Variants in ABLIM1 observed in about 807,000 individuals in gnomAD.
ABLIM1 encodes the protein actin binding LIM protein 1.
A neutral mutation model predicts 107.0 loss-of-function variants in ABLIM1; 40 were observed. The observed-to-expected ratio is 0.37, with a 90% CI of 0.29 to 0.49. The LOEUF (loss-of-function observed/expected upper bound fraction) is 0.49. ABLIM1 is among the 20% of genes least tolerant of loss of function. The pLI is 0.97. For synonymous variants in ABLIM1, 357 were observed against 357.3 expected (o/e 1.00, Z 0.01); for missense variants, 857 against 1,008.5 (o/e 0.85, Z 2.04).
At chr10:114,600,360 C>T (rs534749361) in intron 2 of ABLIM1, among the ~76,000 whole-genome samples, 42 of 152,280 alleles carry the variant, frequency 2.8e-4, no homozygotes, top group African/African-American at 9.6e-4. Flanking sequence ...GCTTGTCATG[C>T]GCTGAGCATT....
intron 6 of ABLIM1, among the ~76,000 whole-genome samples, chr10:114,494,815 T>TTGTGCAGGTGACAATCTCTCTAATCC (rs1447649965): frequency 1.9e-4 from 29 of 152,262 alleles, no homozygotes; most frequent in African/African-American, 2.4e-5. Context: ...TTGTGTGATC[T>TTGTGCAGGTGACAATCTCTCTAATCC]TGTGCAGGTG....
rs562866165 is a variant in ABLIM1 at position 114,514,188 on chromosome 10, C to T, written c.895-22310G>A. Reference sequence around the variant, plus strand: ...CCTGTAATCCTAACACTTTGGAAGGCCAAGGTGGGCGGATCACTTGAATGG... The same window carrying T: ...CCTGTAATCCTAACACTTTGGAAGGTCAAGGTGGGCGGATCACTTGAATGG... On this transcript the variant is annotated intron_variant, in intron 6 of 22. Transcript: ENST00000533213. Among the ~76,000 whole-genome samples, 4 of 152,046 alleles carry T rather than the reference C, an allele frequency of 2.6e-5. No individual in the cohort carries two copies. In the East Asian group the frequency reaches 7.7e-4, roughly 29 times the overall value.
chr10:114,457,429 C>T (rs1381611887), intron 12 of ABLIM1, among the ~76,000 whole-genome samples: 1 of 152,074 alleles, frequency 6.6e-6, no homozygotes, highest in Non-Finnish European at 1.5e-5. Flanking sequence ...GCCACCACAT[C>T]CAGCTAGTTT....
chr10:114,684,087 T>C (rs1041474240), intron 1 of ABLIM1, among the ~76,000 whole-genome samples: 25 of 152,190 alleles, frequency 1.6e-4, no homozygotes, highest in African/African-American at 5.1e-4. Flanking sequence ...TAAGAATATA[T>C]GTAAATATGT....
intron 1 of ABLIM1, among the ~76,000 whole-genome samples, chr10:114,646,065 TTCTC>T (rs59480137): frequency 0.021 from 3,237 of 152,330 alleles, 101 homozygotes; most frequent in African/African-American, 0.074. Flanking sequence ...TTCCTTTCCT[TTCTC>T]TCACTATCTC....
chr10:114,639,606 T>G (rs1229292491), intron 1 of ABLIM1, among the ~76,000 whole-genome samples: 4 of 152,316 alleles, frequency 2.6e-5, no homozygotes, highest in Non-Finnish European at 2.9e-5. Context: ...CTTGTGAGGT[T>G]GTGGTGAGGA....
intron 1 of ABLIM1, among the ~76,000 whole-genome samples, chr10:114,677,940 T>C (rs556670806): frequency 1.3e-5 from 2 of 152,330 alleles, no homozygotes; most frequent in African/African-American, 2.4e-5. Context: ...CACATGAAAG[T>C]TGGTGAGTAA....
chr10:114,522,757 T>C (rs540788645), intron 6 of ABLIM1, among the ~76,000 whole-genome samples: 5 of 152,332 alleles, frequency 3.3e-5, no homozygotes, highest in Admixed American at 2.0e-4. Flanking sequence ...TGTTTCCTCT[T>C]TGATGAAGGT....
chr10:114,622,719 C>T (rs2077546010), intron 1 of ABLIM1, among the ~76,000 whole-genome samples: 1 of 152,148 alleles, frequency 6.6e-6, no homozygotes, highest in Admixed American at 6.5e-5. Context: ...TTTCTTCTAC[C>T]TCTGCCACCC....
the ABLIM1 span, among the ~76,000 whole-genome samples, chr10:114,793,950 GCTT>G: frequency 3.9e-5 from 6 of 152,206 alleles, no homozygotes; most frequent in African/African-American, 1.4e-4. Context: ...TAGTTGGACT[GCTT>G]CTGCAGTTAC....
intron 1 of ABLIM1, among the ~76,000 whole-genome samples, chr10:114,743,971 G>T (rs758045748): frequency 3.9e-5 from 6 of 152,242 alleles, no homozygotes; most frequent in Non-Finnish European, 7.3e-5. Flanking sequence ...AGAAGTTGGG[G>T]AGAAGAGTCT....
intron 1 of ABLIM1, among the ~76,000 whole-genome samples, chr10:114,714,136 G>T (rs929340367): frequency 6.6e-6 from 1 of 152,166 alleles, no homozygotes; most frequent in African/African-American, 2.4e-5. Context: ...ATGTTGTTTA[G>T]CCTGGAATTG....
intron 6 of ABLIM1, among the ~76,000 whole-genome samples, chr10:114,542,587 G>GA (rs1294470731): frequency 9.4e-5 from 12 of 128,238 alleles, no homozygotes; most frequent in Middle Eastern, 3.6e-3. Context: ...CGAGGAGGAG[G>GA]AGGAAGGAGG....
At chr10:114,766,786 G>A (rs1484129050) in intron 1 of ABLIM1, among the ~76,000 whole-genome samples, 1 of 152,210 alleles carries the variant, frequency 6.6e-6, no homozygotes, top group Admixed American at 6.5e-5. Context: ...ATAGTTCAGA[G>A]ATTGTTATGA....
upstream of ABLIM1, among the ~76,000 whole-genome samples, chr10:114,770,066 C>A (rs150291519): frequency 2.0e-5 from 3 of 152,252 alleles, no homozygotes; most frequent in East Asian, 5.8e-4. Flanking sequence ...GCCTCCCTAC[C>A]ACCCACCCCC....
intron 4 of ABLIM1, among the ~76,000 whole-genome samples, chr10:114,567,771 G>T (rs1231077586): frequency 6.6e-6 from 1 of 152,192 alleles, no homozygotes; most frequent in Non-Finnish European, 1.5e-5. Context: ...ATAAAACTGT[G>T]GTTCAGAAGA....
chr10:114,563,488 G>T (rs952549475), intron 4 of ABLIM1, among the ~76,000 whole-genome samples: 3 of 152,170 alleles, frequency 2.0e-5, no homozygotes, highest in Non-Finnish European at 2.9e-5. Context: ...GCGCCAATGC[G>T]GTTTCTTAGT....
chr10:114,595,832 G>C (rs1401145136), intron 2 of ABLIM1, among the ~76,000 whole-genome samples: 1 of 152,112 alleles, frequency 6.6e-6, no homozygotes, highest in Non-Finnish European at 1.5e-5. Context: ...CTCTTTCCCA[G>C]GGAAATTTCA....
intron 6 of ABLIM1, among the ~76,000 whole-genome samples, chr10:114,512,839 GGAAGGAAGGAAGGAAA>G (rs1306057092): frequency 4.3e-5 from 5 of 115,058 alleles, no homozygotes; most frequent in Admixed American, 1.8e-4. Context: ...AAGGAAGGAA[GGAAGGAAGGAAGGAAA>G]GAAGGAAGGA....
Sources: gnomAD v4.1 joint callset for allele counts (sites outside exome capture counted in the v4.1 genomes callset) on GRCh38, gnomAD v4.1.1 for gene constraint, MANE v1.5 for transcripts, NCBI Gene and HGNC (gene_info 2026-07-23, HGNC 2026-07-21) for gene names.